PIGN: variants seen among roughly 807,000 people sequenced by gnomAD.
PIGN encodes phosphatidylinositol glycan anchor biosynthesis class N.
PIGN carries 117 observed loss-of-function variants against 125.4 expected under a neutral mutation model. The ratio of observed to expected loss-of-function variants is 0.93; its 90% CI spans 0.80 to 1.09. The LOEUF (loss-of-function observed/expected upper bound fraction) is 1.09. PIGN is among the 50% of genes least tolerant of loss of function. The pLI is 0.00. For synonymous variants in PIGN, 392 were observed against 377.8 expected, an observed-to-expected ratio of 1.04 and a Z score of -0.44; for missense variants, 1,075 against 1,094.9, an observed-to-expected ratio of 0.98 and a Z score of 0.26.
intron 30 of PIGN, 104 bp from the exon 31 acceptor site, chr18:62,046,083 T>C: frequency 8.2e-7 from 1 of 1,213,020 alleles, no homozygotes; most frequent in Non-Finnish European, 1.2e-6. Context: ...ATCTCCACTT[T>C]CAGGAGCTGG....
chr18:62,154,119 T>C (rs553467501), intron 7 of PIGN: 1 of 175,702 alleles, frequency 5.7e-6, no homozygotes, highest in Non-Finnish European at 1.2e-5. Context: ...ATAATCTGCT[T>C]ATCTAATTTT....
intron 16 of PIGN, chr18:62,112,762 A>C (rs1053473887): frequency 9.0e-6 from 2 of 223,010 alleles, no homozygotes; most frequent in African/African-American, 4.5e-5. Flanking sequence ...TTTAATATCA[A>C]ATAAAATTAA....
rs780483037 is a variant in PIGN at position 62,157,642 on chromosome 18, C to T, written c.343+45G>A. The T allele has an allele frequency of 2.6e-6, 4 of 1,560,650 alleles. No individual in the cohort carries two copies. The East Asian group carries it at 6.8e-5, about 27-fold the overall frequency. On this transcript the variant is annotated intron_variant, in intron 5 of 30. Coordinates refer to ENST00000640252, the MANE Select transcript of PIGN (RefSeq NM_176787.5). ...TTAAGTGGTAAAGGACTAATATTTA[C>T]TTGACAAATTTTTCATTTCATAAGA...
chr18:62,053,819 A>G (rs1188155977), intron 30 of PIGN, among the ~76,000 whole-genome samples: 2 of 152,300 alleles, frequency 1.3e-5, no homozygotes, highest in Non-Finnish European at 2.9e-5. Context: ...TCAAGTGCTC[A>G]TATATACCAA....
chr18:62,091,922 G>A (rs1211149339), intron 23 of PIGN, among the ~76,000 whole-genome samples: 1 of 152,152 alleles, frequency 6.6e-6, no homozygotes, highest in Non-Finnish European at 1.5e-5. Context: ...CTAATCAGAA[G>A]TTACAAAACA....
chr18:62,077,885 G>A (rs544330087), intron 28 of PIGN, among the ~76,000 whole-genome samples: 3 of 152,260 alleles, frequency 2.0e-5, no homozygotes, highest in East Asian at 1.9e-4. Flanking sequence ...GAGCAGCATC[G>A]GTCTTATTTG....
At chr18:62,135,569 G>C (rs1013542162) in intron 14 of PIGN, 2 of 151,446 alleles carry the variant, frequency 1.3e-5, no homozygotes, top group African/African-American at 2.4e-5. Flanking sequence ...CCTTGACGAA[G>C]AGTCCTTCCC....
rs1840054281 is a variant in PIGN, at chr18:62,157,792, C to G, written c.238G>C (p.Glu80Gln). Reference sequence around the variant, plus strand: ...GTATGAGATATGCCCCAGCTGCCTTCATGCATTATGATATTCCTAAAAGAT... The same window carrying G: ...GTATGAGATATGCCCCAGCTGCCTTGATGCATTATGATATTCCTAAAAGAT... The part of the protein sequence containing the change: ...APFIRNIIMH[E>Q]GSWGISHTRV... Residue 80 changes from glutamate to glutamine, a missense_variant, in exon 5 of 31, where the codon GAA becomes CAA. This residue lies in a region of PIGN where 152 missense variants were observed against 162.9 expected (regional missense o/e 0.93). Transcript: ENST00000640252. 6.2e-7 allele frequency: 1 copy of G among 1,611,192 alleles called. No homozygotes were observed. The highest frequency in any genetic ancestry group is 8.5e-7 in the Non-Finnish European group (1 of 1,178,362).
intron 7 of PIGN, among the ~76,000 whole-genome samples, chr18:62,150,276 G>A (rs900597571): frequency 4.6e-5 from 7 of 152,170 alleles, no homozygotes; most frequent in Non-Finnish European, 7.3e-5. Flanking sequence ...GAGCCACCGC[G>A]CCCAGCCTCT....
At chr18:62,029,370 T>C (rs1426671822) in intron 23 of PIGN, among the ~76,000 whole-genome samples, 1 of 152,154 alleles carries the variant, frequency 6.6e-6, no homozygotes, top group African/African-American at 2.4e-5. Flanking sequence ...TAACGGTCTC[T>C]AACCATTTCG....
At chr18:62,180,963 T>C (rs1414649321) in intron 1 of PIGN, among the ~76,000 whole-genome samples, 3 of 152,162 alleles carry the variant, frequency 2.0e-5, no homozygotes, top group South Asian at 4.1e-4. Context: ...TTTTGTTTTT[T>C]ACCTTTCATT....
At chr18:62,059,775 T>C (rs1350754160) in intron 30 of PIGN, among the ~76,000 whole-genome samples, 1 of 152,178 alleles carries the variant, frequency 6.6e-6, no homozygotes, top group Non-Finnish European at 1.5e-5. Flanking sequence ...CTTAAAACAT[T>C]TATTAAATCA....
At chr18:62,147,601 G>T (rs1214437156) in intron 8 of PIGN, among the ~76,000 whole-genome samples, 2 of 152,230 alleles carry the variant, frequency 1.3e-5, no homozygotes, top group Admixed American at 1.3e-4. Context: ...TTAAGAAGGG[G>T]ATTGTGAGGT....
At chr18:62,037,289 A>T (rs2030273095), downstream of PIGN, among the ~76,000 whole-genome samples, 1 of 152,220 alleles carries the variant, frequency 6.6e-6, no homozygotes, top group African/African-American at 2.4e-5. Flanking sequence ...CTAGCAAATC[A>T]ACTTGCCAAA....
At chr18:62,174,775 A>G (rs973076969) in intron 1 of PIGN, among the ~76,000 whole-genome samples, 3 of 151,840 alleles carry the variant, frequency 2.0e-5, no homozygotes, top group Admixed American at 2.0e-4. Context: ...TAAGCACAAT[A>G]TTTTTAAAAA....
chr18:62,086,411 G>A (rs1412297275), intron 25 of PIGN, among the ~76,000 whole-genome samples: 2 of 152,050 alleles, frequency 1.3e-5, no homozygotes, highest in Non-Finnish European at 2.9e-5. Flanking sequence ...GGGGTCAAGA[G>A]ATCAAGACCA....
chr18:62,131,574 T>A (rs1412942872), intron 14 of PIGN, among the ~76,000 whole-genome samples: 6 of 152,194 alleles, frequency 3.9e-5, no homozygotes, highest in African/African-American at 1.4e-4. Flanking sequence ...GTGTTTGTTT[T>A]TTAGCAGTTC....
intron 23 of PIGN, among the ~76,000 whole-genome samples, chr18:62,023,357 T>C (rs1182029937): frequency 1.3e-5 from 2 of 152,238 alleles, no homozygotes; most frequent in Admixed American, 6.5e-5. Context: ...TTCTTTCACT[T>C]AGCATAATGT....
rs1190711274 is a variant in PIGN at position 62,084,578 on chromosome 18, G to A, written c.2455C>T (p.Leu819=). Residue 819 remains leucine, a synonymous_variant, in exon 27 of 31, where the codon CTG becomes TTG. Coordinates refer to ENST00000640252, the MANE Select transcript of PIGN (RefSeq NM_176787.5). ...ATCATAAAAGGACTGAACACAGTCAGAAAGCAATAGACAGAGGCAAGATCA... is the reference window on the plus strand; with the variant it reads ...ATCATAAAAGGACTGAACACAGTCAAAAAGCAATAGACAGAGGCAAGATCA... ...SFDLASVYCF[L]TVFSPFMMGA... is the part of the protein sequence containing the mutation. The A allele has an allele frequency of 2.6e-6, 4 of 1,558,776 alleles. No individual in the cohort carries two copies. The Middle Eastern group carries it at 6.7e-4, about 260-fold the overall frequency.
Sources: allele counts gnomAD v4.1 joint callset (sites outside exome capture counted in the v4.1 genomes callset), GRCh38; gene constraint gnomAD v4.1.1; regional missense constraint gnomAD v4.1.1; transcripts MANE v1.5; gene names NCBI Gene and HGNC (gene_info 2026-07-23, HGNC 2026-07-21).